Variants in MLLT10 observed in about 807,000 individuals in gnomAD.
MLLT10 encodes the protein MLLT10 histone lysine methyltransferase DOT1L cofactor, also known as protein AF-10.
In MLLT10, 30 loss-of-function variants were observed where a neutral mutation model predicts 129.1. That is an observed-to-expected ratio of 0.23 (90% CI 0.17 to 0.32). MLLT10 has a LOEUF of 0.32. Among genes scored for constraint, MLLT10 ranks in the 10% least tolerant of loss-of-function variants. The pLI, the probability that MLLT10 is intolerant of heterozygous loss-of-function variation, is 1.00. For missense variants in MLLT10, 1,119 were observed against 1,268.3 expected (o/e 0.88, Z 1.79); for synonymous variants, 490 against 446.4 (o/e 1.10, Z -1.23).
At position 21,637,717 on chromosome 10, in the gene MLLT10, A is replaced by G. The variant is rs568784128; in HGVS notation, c.700-13956A>G. On this transcript the variant is annotated intron_variant, in intron 8 of 22. Coordinates refer to ENST00000307729, the MANE Select transcript of MLLT10 (RefSeq NM_001195626.3). ...CAGACATATTGGAGGGCTTTGACAC[A>G]TGGATGTAAACTGATCTTGATCCTT... Among the ~76,000 whole-genome samples, 15 of 152,302 alleles carry G rather than the reference A, an allele frequency of 9.8e-5. No individual in the cohort carries two copies. The East Asian group carries it at 1.9e-3, about 20-fold the overall frequency.
rs746656186 is a variant in MLLT10 at position 21,560,881 on chromosome 10, TG to T, written c.240+21971del. ...TTCTTGGCCATTTGTGTGTATTCTT[TG>T]GAGAATTTTCTGTTCAGGTCCTTTG... On this transcript the variant is annotated intron_variant, in intron 3 of 22. Coordinates refer to ENST00000307729, the MANE Select transcript of MLLT10 (RefSeq NM_001195626.3). Among the ~76,000 whole-genome samples, 15 of 152,354 alleles carry T rather than the reference TG, an allele frequency of 9.8e-5. No homozygotes were observed. The East Asian group carries it at 2.5e-3, about 25-fold the overall frequency.
chr10:21,547,662 T>C (rs1352083230), intron 3 of MLLT10, among the ~76,000 whole-genome samples: 1 of 151,878 alleles, frequency 6.6e-6, no homozygotes, highest in Non-Finnish European at 1.5e-5. Context: ...CCTCAGCCTC[T>C]TGAGTAGCTG....
At position 21,734,059 on chromosome 10, in the gene MLLT10, C is replaced by T. The variant is rs1010904287; in HGVS notation, c.2788C>T (p.Pro930Ser). 1.2e-6 allele frequency: 2 copies of T among 1,614,006 alleles called. No individual in the cohort carries two copies. Among genetic ancestry groups the T allele is most frequent in the African/African-American group, 2.7e-5 (2 of 74,908 alleles). Residue 930 changes from proline (P) to serine (S), a missense_variant, in exon 20 of 23, where the codon CCT becomes TCT. This residue lies in a region of MLLT10 where 1,004 missense variants were observed against 1,008.7 expected (regional missense o/e 1.00). Transcript: ENST00000307729. ...GACTCCTGTCACAATGTCCCAGAAC[C>T]CTACCCCTCTCACCCACACAACCGT... ...MQTPVTMSQN[P>S]TPLTHTTVPP... is the part of the protein sequence containing the mutation.
At chr10:21,551,721 A>G in intron 3 of MLLT10, 2 of 360,434 alleles carry the variant, frequency 5.5e-6, no homozygotes, top group Non-Finnish European at 1.0e-5. Flanking sequence ...TGCCTAGCAT[A>G]TGGTATCTGT....
rs76201689 is a variant in MLLT10 at position 21,626,391 on chromosome 10, T to C, written c.699+9184T>C. The C allele has an allele frequency of 1.9e-3, 1,179 of 622,312 alleles. 21 individuals are homozygous for C. The East Asian group carries it at 0.032, about 17-fold the overall frequency. 38.5% of individuals were successfully genotyped at this position (622,312 alleles called of 1,614,324 possible). On this transcript the variant is annotated intron_variant, in intron 8 of 22. Transcript: ENST00000307729. ...GTGCCACCCCCCAAGTCTATGATTC[T>C]TATGTTTACATGGCAAAGAAGCTGA...
At chr10:21,585,898 A>T (rs1214054517) in intron 3 of MLLT10, among the ~76,000 whole-genome samples, 1 of 152,098 alleles carries the variant, frequency 6.6e-6, no homozygotes, top group African/African-American at 2.4e-5. Flanking sequence ...AGTAGCTGGG[A>T]TTACAGGCAT....
chr10:21,631,138 G>T (rs1259334035), intron 8 of MLLT10, among the ~76,000 whole-genome samples: 1 of 151,824 alleles, frequency 6.6e-6, no homozygotes, highest in Admixed American at 6.6e-5. Flanking sequence ...GTGAAACCCT[G>T]TCTCTACTAA....
chr10:21,739,959 T>C, intron 21 of MLLT10, 71 bp from the exon 22 acceptor site: 1 of 1,205,774 alleles, frequency 8.3e-7, no homozygotes, highest in African/African-American at 1.5e-5. Flanking sequence ...AAAGAAAACA[T>C]AAGGCAGCTC....
At chr10:21,537,338 C>T (rs569925456) in intron 2 of MLLT10, among the ~76,000 whole-genome samples, 2 of 152,068 alleles carry the variant, frequency 1.3e-5, no homozygotes, top group East Asian at 3.9e-4. Flanking sequence ...CCCTCTGTCG[C>T]CCAGGCTGGA....
At chr10:21,738,631 G>A in intron 21 of MLLT10, 1 of 928,152 alleles carries the variant, frequency 1.1e-6, no homozygotes, top group African/African-American at 1.8e-5. Flanking sequence ...TCCCCCAGAT[G>A]ACTTGCATGT....
chr10:21,737,915 A>G (rs1209301434), intron 21 of MLLT10, among the ~76,000 whole-genome samples: 1 of 152,178 alleles, frequency 6.6e-6, no homozygotes, highest in Non-Finnish European at 1.5e-5. Flanking sequence ...TTGATTCTGG[A>G]TCATTTTCAG....
At chr10:21,551,289 CTTTT>C (rs11461905) in intron 3 of MLLT10, among the ~76,000 whole-genome samples, 11 of 91,964 alleles carry the variant, frequency 1.2e-4, no homozygotes, top group African/African-American at 2.2e-4. Flanking sequence ...CGGATTGTAC[CTTTT>C]TTTTTTTTTT....
At chr10:21,738,822 GTCC>G (rs1445433288) in intron 21 of MLLT10, among the ~76,000 whole-genome samples, 2 of 151,810 alleles carry the variant, frequency 1.3e-5, no homozygotes, top group Non-Finnish European at 2.9e-5. Context: ...CCTTTCCTGG[GTCC>G]TCCTCTTCAG....
chr10:21,605,275 G>A (rs1442230279), intron 5 of MLLT10, among the ~76,000 whole-genome samples: 1 of 152,072 alleles, frequency 6.6e-6, no homozygotes, highest in Non-Finnish European at 1.5e-5. Flanking sequence ...TGGGAGTTGT[G>A]GCTTGCTGCC....
rs1403943122 is a variant in MLLT10, at chr10:21,741,926, T to C, written c.3163-13T>C. The C allele has an allele frequency of 2.5e-6, 4 of 1,609,196 alleles. No homozygotes were observed. In the African/African-American group the frequency reaches 4.0e-5, roughly 16 times the overall value. On this transcript the variant is annotated splice_polypyrimidine_tract_variant and intron_variant, in intron 22 of 22. Transcript: ENST00000307729. ...GATTTAGCTAACGCATCTGCTCTTT[T>C]GTTTACCTGCAGAGACTTAGTGATA...
intron 4 of MLLT10, among the ~76,000 whole-genome samples, chr10:21,590,386 C>A (rs1221642832): frequency 1.3e-5 from 2 of 151,386 alleles, no homozygotes; most frequent in African/African-American, 4.9e-5. Flanking sequence ...GTCACTCAAG[C>A]TGGAATGCAG....
intron 3 of MLLT10, among the ~76,000 whole-genome samples, chr10:21,568,530 T>C (rs180869881): frequency 4.3e-4 from 66 of 152,358 alleles, no homozygotes; most frequent in African/African-American, 1.5e-3. Context: ...TCTAATATAG[T>C]CATGTAATTG....
At chr10:21,671,975 C>A (rs1004499121) in intron 10 of MLLT10, among the ~76,000 whole-genome samples, 1 of 151,914 alleles carries the variant, frequency 6.6e-6, no homozygotes, top group Non-Finnish European at 1.5e-5. Flanking sequence ...AACAAAAAAC[C>A]AAAAACAAAC....
intron 16 of MLLT10, 145 bp from the exon 17 acceptor site, chr10:21,730,755 C>G: frequency 1.4e-6 from 1 of 719,638 alleles, no homozygotes; most frequent in East Asian, 2.7e-5. Context: ...TTATGGTTTT[C>G]TAAATCCAGG....
Sources: gnomAD v4.1 joint callset for allele counts (sites outside exome capture counted in the v4.1 genomes callset) on GRCh38, gnomAD v4.1.1 for gene constraint, gnomAD v4.1.1 regional missense constraint, MANE v1.5 for transcripts, NCBI Gene and HGNC (gene_info 2026-07-23, HGNC 2026-07-21) for gene names.